Variants in SIPA1L3 observed in about 807,000 individuals in gnomAD.
SIPA1L3 encodes signal induced proliferation associated 1 like 3.
In SIPA1L3, 59 loss-of-function variants were observed where a neutral mutation model predicts 150.1. That is an observed-to-expected ratio of 0.39 (90% CI 0.32 to 0.49). The LOEUF (loss-of-function observed/expected upper bound fraction) is 0.49. Among genes scored for constraint, SIPA1L3 ranks in the 20% least tolerant of loss-of-function variants. The pLI, the probability that SIPA1L3 is intolerant of heterozygous loss-of-function variation, is 0.86. For synonymous variants in SIPA1L3, 1,070 were observed against 1,077.6 expected (o/e 0.99, Z 0.14); for missense variants, 2,211 against 2,489.5 (o/e 0.89, Z 2.38).
intron 5 of SIPA1L3, among the ~76,000 whole-genome samples, chr19:38,100,571 C>T (rs921288878): frequency 4.6e-5 from 7 of 152,188 alleles, no homozygotes; most frequent in East Asian, 1.9e-4. Flanking sequence ...TGGGCTATGG[C>T]GTAGGTCAGG....
chr19:38,155,014 G>C (rs1443636686), intron 13 of SIPA1L3, among the ~76,000 whole-genome samples: 2 of 152,110 alleles, frequency 1.3e-5, no homozygotes, highest in Non-Finnish European at 2.9e-5. Flanking sequence ...ACCCGCTTCG[G>C]CTTCCCAAAG....
intron 6 of SIPA1L3, among the ~76,000 whole-genome samples, chr19:38,105,906 A>G (rs1254024320): frequency 6.6e-6 from 1 of 152,172 alleles, no homozygotes; most frequent in African/African-American, 2.4e-5. Context: ...CCAGGTTATC[A>G]ATTAAGCCTA....
At chr19:38,021,795 C>T (rs1410894914) in intron 1 of SIPA1L3, among the ~76,000 whole-genome samples, 2 of 152,196 alleles carry the variant, frequency 1.3e-5, no homozygotes, top group Non-Finnish European at 2.9e-5. Flanking sequence ...ATCTGCCTGC[C>T]TTGGCCTCCC....
At chr19:38,077,819 C>T (rs562605074) in intron 2 of SIPA1L3, among the ~76,000 whole-genome samples, 15 of 151,580 alleles carry the variant, frequency 9.9e-5, no homozygotes, top group South Asian at 4.2e-4. Flanking sequence ...TACAGGTGTG[C>T]GCCACCGCAC....
chr19:38,089,954 C>T (rs755100025), intron 4 of SIPA1L3, among the ~76,000 whole-genome samples: 2 of 152,132 alleles, frequency 1.3e-5, no homozygotes, highest in Non-Finnish European at 2.9e-5. Flanking sequence ...TCATTTTCTT[C>T]TGCCACTAAC....
chr19:38,155,432 A>C (rs536614374), intron 13 of SIPA1L3, among the ~76,000 whole-genome samples: 121 of 152,330 alleles, frequency 7.9e-4, no homozygotes, highest in African/African-American at 2.7e-3. Context: ...AAGACTGCTA[A>C]GATTTGAGCA....
At chr19:38,021,688 C>T (rs1430779046) in intron 1 of SIPA1L3, among the ~76,000 whole-genome samples, 1 of 152,096 alleles carries the variant, frequency 6.6e-6, no homozygotes, top group African/African-American at 2.4e-5. Flanking sequence ...GCTACAGGTG[C>T]ACATCTCCAT....
chr19:37,939,821 A>T (rs1272075528), intron 1 of SIPA1L3, among the ~76,000 whole-genome samples: 1 of 152,164 alleles, frequency 6.6e-6, no homozygotes, highest in Non-Finnish European at 1.5e-5. Context: ...GGGGAGACTC[A>T]ATATTGGAGT....
intron 20 of SIPA1L3, chr19:38,203,751 G>A (rs1973142390): frequency 5.1e-6 from 1 of 195,484 alleles, no homozygotes; most frequent in African/African-American, 2.3e-5. Flanking sequence ...CGTGCTTCCT[G>A]TGCCTGGACC....
At chr19:38,036,857 C>G (rs1968804393) in intron 2 of SIPA1L3, among the ~76,000 whole-genome samples, 1 of 152,128 alleles carries the variant, frequency 6.6e-6, no homozygotes, top group African/African-American at 2.4e-5. Context: ...GTCTTGGAGC[C>G]TCACAGGCTG....
chr19:38,103,368 T>C (rs1970550881), intron 6 of SIPA1L3, among the ~76,000 whole-genome samples: 1 of 152,064 alleles, frequency 6.6e-6, no homozygotes, highest in East Asian at 1.9e-4. Flanking sequence ...GGCCCACGCC[T>C]GTAATCTCAA....
At chr19:37,983,630 C>G (rs1967256878) in intron 1 of SIPA1L3, among the ~76,000 whole-genome samples, 1 of 152,060 alleles carries the variant, frequency 6.6e-6, no homozygotes, top group African/African-American at 2.4e-5. Context: ...TCAGACCTGG[C>G]ATGGTGGCTC....
chr19:38,004,071 T>G (rs1687761406), intron 1 of SIPA1L3, among the ~76,000 whole-genome samples: 1 of 152,190 alleles, frequency 6.6e-6, no homozygotes, highest in African/African-American at 2.4e-5. Context: ...CAGCTACCCT[T>G]CAGTGCTTTC....
chr19:38,138,302 C>T (rs1037125301), intron 10 of SIPA1L3, among the ~76,000 whole-genome samples: 1 of 152,146 alleles, frequency 6.6e-6, no homozygotes, highest in Admixed American at 6.5e-5. Context: ...TTCTTACTGG[C>T]TGTTTCACCT....
At chr19:38,138,905 A>AAAAAAAAAAAAC (rs1358845006) in intron 10 of SIPA1L3, among the ~76,000 whole-genome samples, 3 of 137,684 alleles carry the variant, frequency 2.2e-5, no homozygotes, top group Non-Finnish European at 4.6e-5. Context: ...CTCAAAAAAA[A>AAAAAAAAAAAAC]AAAAAAAAAA....
chr19:38,089,584 C>G (rs1970216988), intron 4 of SIPA1L3, among the ~76,000 whole-genome samples: 1 of 152,194 alleles, frequency 6.6e-6, no homozygotes, highest in Admixed American at 6.5e-5. Context: ...ACTGGGGACT[C>G]TCAACCACAG....
intron 3 of SIPA1L3, among the ~76,000 whole-genome samples, chr19:38,085,910 C>T (rs1381824613): frequency 2.0e-5 from 3 of 151,926 alleles, no homozygotes; most frequent in Admixed American, 6.6e-5. Flanking sequence ...GCCGGAGAAT[C>T]GCTTGAAGCT....
intron 7 of SIPA1L3, 150 bp from the exon 8 acceptor site, chr19:38,110,077 G>A: frequency 1.4e-6 from 1 of 724,962 alleles, no homozygotes; most frequent in Non-Finnish European, 2.3e-6. Flanking sequence ...CCACAGGAAG[G>A]TTTGTCACCT....
At chr19:38,139,584 G>A (rs1270953819) in intron 10 of SIPA1L3, among the ~76,000 whole-genome samples, 4 of 152,178 alleles carry the variant, frequency 2.6e-5, no homozygotes, top group African/African-American at 4.8e-5. Flanking sequence ...AGTCCAAAGG[G>A]ACAGCCAGAA....
Sources: allele counts gnomAD v4.1 joint callset (sites outside exome capture counted in the v4.1 genomes callset), GRCh38; gene constraint gnomAD v4.1.1; transcripts MANE v1.5; gene names NCBI Gene and HGNC (gene_info 2026-07-23, HGNC 2026-07-21).